Variants in LINGO2 observed in about 807,000 individuals in gnomAD.
LINGO2 encodes leucine-rich repeat and immunoglobulin-like domain-containing nogo receptor-interacting protein 2.
Under a neutral mutation model 30.6 loss-of-function variants are expected in LINGO2, and 14 were observed. The observed-to-expected ratio is 0.46, with a 90% confidence interval of 0.30 to 0.72. The LOEUF (loss-of-function observed/expected upper bound fraction) is 0.72, where lower values mean the gene tolerates loss of function less well. Among genes scored for constraint, LINGO2 ranks in the 30% least tolerant of loss-of-function variants. The pLI, the probability that LINGO2 is intolerant of heterozygous loss-of-function variation, is 0.07. For missense variants in LINGO2, 729 were observed against 751.7 expected (o/e 0.97, Z 0.35); for synonymous variants, 317 against 288.5 (o/e 1.10, Z -1.00).
At position 28,175,934 on chromosome 9, in the gene LINGO2, A is replaced by T. The variant is rs144690284; in HGVS notation, c.-87+119274T>A. Among the ~76,000 whole-genome samples, 646 of 152,300 alleles carry T rather than the reference A, an allele frequency of 4.2e-3. 8 individuals are homozygous for T. The highest frequency in any genetic ancestry group is 0.015 in the African/African-American group (618 of 41,572). ...TTCTGATGGTGGAGGTCAAGGAGGCAACATGCCTTTGTTTATACTGATATG... is the reference window on the plus strand; with the variant it reads ...TTCTGATGGTGGAGGTCAAGGAGGCTACATGCCTTTGTTTATACTGATATG... On this transcript the variant is annotated intron_variant, in intron 4 of 5. Coordinates refer to ENST00000379992, the Ensembl canonical transcript of LINGO2.
chr9:28,177,917 A>G (rs1828792776), intron 4 of LINGO2, among the ~76,000 whole-genome samples: 1 of 152,200 alleles, frequency 6.6e-6, no homozygotes, highest in Admixed American at 6.5e-5. Flanking sequence ...AGCCTATCAA[A>G]TACTCTTTAC....
chr9:28,208,413 C>T (rs1820482606), intron 4 of LINGO2, among the ~76,000 whole-genome samples: 1 of 151,942 alleles, frequency 6.6e-6, no homozygotes, highest in South Asian at 2.1e-4. Flanking sequence ...ATTCACTGGG[C>T]TTTCTCTTCA....
chr9:28,929,293 C>T, the LINGO2 span, among the ~76,000 whole-genome samples: 1 of 152,048 alleles, frequency 6.6e-6, no homozygotes. Context: ...TTTTGTTGTT[C>T]AAAAGCTTAA....
At chr9:28,387,462 G>A (rs1475983978) in intron 2 of LINGO2, among the ~76,000 whole-genome samples, 1 of 152,206 alleles carries the variant, frequency 6.6e-6, no homozygotes, top group Non-Finnish European at 1.5e-5. Flanking sequence ...GCTGGCCACT[G>A]GAGCCAGCAG....
chr9:29,102,725 T>A, the LINGO2 span, among the ~76,000 whole-genome samples: 1 of 152,176 alleles, frequency 6.6e-6, no homozygotes, highest in Non-Finnish European at 1.5e-5. Context: ...TGTGTGCTAT[T>A]TTTACATAGT....
chr9:28,056,211 T>C (rs546627850), intron 4 of LINGO2, among the ~76,000 whole-genome samples: 60 of 152,206 alleles, frequency 3.9e-4, no homozygotes, highest in African/African-American at 1.4e-3. Flanking sequence ...ATATTATTAC[T>C]AACAGGCTTC....
chr9:29,011,016 A>G, the LINGO2 span, among the ~76,000 whole-genome samples: 565 of 152,304 alleles, frequency 3.7e-3, 2 homozygotes, highest in African/African-American at 0.013. Flanking sequence ...CTAAGCTTCA[A>G]TGTCTTCATC....
At chr9:28,823,029 G>T in the LINGO2 span, among the ~76,000 whole-genome samples, 1 of 152,262 alleles carries the variant, frequency 6.6e-6, no homozygotes, top group African/African-American at 2.4e-5. Context: ...TCATATCAAT[G>T]AGTTGGAATT....
intron 1 of LINGO2, among the ~76,000 whole-genome samples, chr9:28,611,343 T>C (rs1186495759): frequency 6.7e-6 from 1 of 149,776 alleles, no homozygotes; most frequent in Non-Finnish European, 1.5e-5. Context: ...CTCACAATGT[T>C]AACATTTGTG....
chr9:28,752,410 C>T, the LINGO2 span, among the ~76,000 whole-genome samples: 2 of 151,932 alleles, frequency 1.3e-5, no homozygotes, highest in Non-Finnish European at 2.9e-5. Flanking sequence ...GACAGATGTG[C>T]TGTGAGTAGA....
At chr9:28,404,686 C>T (rs1019063110) in intron 2 of LINGO2, among the ~76,000 whole-genome samples, 1 of 152,150 alleles carries the variant, frequency 6.6e-6, no homozygotes, top group African/African-American at 2.4e-5. Context: ...ATATTCCAGG[C>T]ATACTTGCAT....
chr9:29,103,671 A>T, the LINGO2 span, among the ~76,000 whole-genome samples: 1 of 152,212 alleles, frequency 6.6e-6, no homozygotes, highest in Non-Finnish European at 1.5e-5. Flanking sequence ...TATTAAAAGT[A>T]AGTGGTTGAG....
chr9:28,759,128 TGC>T, the LINGO2 span, among the ~76,000 whole-genome samples: 1 of 152,118 alleles, frequency 6.6e-6, no homozygotes, highest in Non-Finnish European at 1.5e-5. Flanking sequence ...AAGTGTGAAG[TGC>T]TCCGATAGCA....
chr9:28,373,880 A>G (rs1234721696), intron 2 of LINGO2, among the ~76,000 whole-genome samples: 2 of 150,500 alleles, frequency 1.3e-5, no homozygotes, highest in African/African-American at 4.9e-5. Flanking sequence ...AGCCTGGGCA[A>G]TAAGAGCAAA....
the LINGO2 span, among the ~76,000 whole-genome samples, chr9:29,205,890 C>T: frequency 2.0e-5 from 3 of 152,200 alleles, no homozygotes; most frequent in African/African-American, 7.2e-5. Flanking sequence ...CAGTCACTCA[C>T]CAACCCCACT....
intron 1 of LINGO2, among the ~76,000 whole-genome samples, chr9:28,549,856 T>C (rs1822181569): frequency 6.6e-6 from 1 of 151,834 alleles, no homozygotes; most frequent in Admixed American, 6.6e-5. Context: ...CTTTAATAGT[T>C]CTCGAAAATA....
intron 2 of LINGO2, among the ~76,000 whole-genome samples, chr9:28,396,520 T>C (rs1822048355): frequency 6.6e-6 from 1 of 151,598 alleles, no homozygotes; most frequent in Non-Finnish European, 1.5e-5. Context: ...CAGGCTAACG[T>C]GGTGAAACCC....
intron 4 of LINGO2, among the ~76,000 whole-genome samples, chr9:28,276,590 T>C (rs181932072): frequency 6.6e-6 from 1 of 152,336 alleles, no homozygotes; most frequent in East Asian, 1.9e-4. Context: ...CTTCCATCTG[T>C]TGGAAAAGTC....
chr9:29,185,889 T>C, the LINGO2 span, among the ~76,000 whole-genome samples: 2 of 152,124 alleles, frequency 1.3e-5, no homozygotes, highest in Admixed American at 1.3e-4. Flanking sequence ...TTGCTGAAAG[T>C]AATCCAAAAA....
Sources: gnomAD v4.1 joint callset for allele counts (sites outside exome capture counted in the v4.1 genomes callset) on GRCh38, gnomAD v4.1.1 for gene constraint, MANE v1.5 for transcripts, NCBI Gene and HGNC (gene_info 2026-07-23, HGNC 2026-07-21) for gene names.